UBE2E2: variants seen among roughly 807,000 people sequenced by gnomAD.
The protein encoded by UBE2E2 is ubiquitin-conjugating enzyme E2 E2.
Under a neutral mutation model 24.7 loss-of-function variants are expected in UBE2E2, and 6 were observed. That is an observed-to-expected ratio of 0.24 (90% CI 0.13 to 0.48). The LOEUF is 0.48. Ranked by LOEUF, UBE2E2 falls within the 20% of genes least tolerant of loss-of-function variation. The pLI, the probability that UBE2E2 is intolerant of heterozygous loss-of-function variation, is 0.99. For synonymous variants in UBE2E2, 104 were observed against 83.6 expected, an observed-to-expected ratio of 1.24 and a Z score of -1.33; for missense variants, 169 against 245.0, an observed-to-expected ratio of 0.69 and a Z score of 2.07.
chr3:23,535,155 CT>C (rs1695221833), intron 5 of UBE2E2, among the ~76,000 whole-genome samples: 1 of 152,204 alleles, frequency 6.6e-6, no homozygotes, highest in South Asian at 2.1e-4. Context: ...GGTCACTTAA[CT>C]TTCCACAGGC....
chr3:23,297,857 A>T (rs980851377), intron 3 of UBE2E2, among the ~76,000 whole-genome samples: 3 of 152,056 alleles, frequency 2.0e-5, no homozygotes, highest in African/African-American at 7.2e-5. Context: ...GATGGCATTG[A>T]ATCTATAAAT....
At chr3:23,299,543 C>T (rs7611132) in intron 3 of UBE2E2, among the ~76,000 whole-genome samples, 51,312 of 151,884 alleles carry the variant, frequency 0.34, 8,855 homozygotes, top group South Asian at 0.38. Context: ...CGTTATGTAC[C>T]CAGTAGTCAT....
At chr3:23,318,162 A>AT (rs575001887) in intron 3 of UBE2E2, among the ~76,000 whole-genome samples, 16 of 151,796 alleles carry the variant, frequency 1.1e-4, no homozygotes, top group Admixed American at 2.6e-4. Context: ...TTTTAAAAAA[A>AT]TTTTTTTTAT....
In UBE2E2 at chr3:23,577,900, C is replaced by T. The variant is rs74576441; in HGVS notation, c.509-11834C>T. ...AGGACCCTTAAAAACTTGCCTGTGC[C>T]TACTCTGCCTGTGCTCTCTGAGTGG... On this transcript the variant is annotated intron_variant, in intron 5 of 5. Transcript: ENST00000396703. 3.6e-3 allele frequency among the ~76,000 whole-genome samples: 553 copies of T among 151,848 alleles called. 2 individuals carry two copies. Among genetic ancestry groups the T allele is most frequent in the African/African-American group, 0.013 (529 of 41,336 alleles).
intron 3 of UBE2E2, among the ~76,000 whole-genome samples, chr3:23,430,475 C>A (rs1698033870): frequency 6.6e-6 from 1 of 151,774 alleles, no homozygotes; most frequent in Non-Finnish European, 1.5e-5. Context: ...CCACATTAAG[C>A]ACTTAATATG....
intron 3 of UBE2E2, among the ~76,000 whole-genome samples, chr3:23,298,699 A>C (rs1575542746): frequency 2.0e-5 from 3 of 151,834 alleles, no homozygotes; most frequent in Non-Finnish European, 4.4e-5. Flanking sequence ...CCAGTATTTT[A>C]TTGAGGATTT....
chr3:23,282,337 C>T (rs1265097587), intron 3 of UBE2E2, among the ~76,000 whole-genome samples: 1 of 152,166 alleles, frequency 6.6e-6, no homozygotes. Context: ...TATAGCCATT[C>T]CTTTAATGAC....
At chr3:23,428,591 A>G (rs1014081694) in intron 3 of UBE2E2, among the ~76,000 whole-genome samples, 10 of 152,168 alleles carry the variant, frequency 6.6e-5, no homozygotes, top group African/African-American at 2.4e-4. Context: ...CAGAAAATCA[A>G]TGATCTCAAA....
chr3:23,317,404 T>C (rs1271183234), intron 3 of UBE2E2, among the ~76,000 whole-genome samples: 1 of 152,160 alleles, frequency 6.6e-6, no homozygotes, highest in Admixed American at 6.5e-5. Context: ...GTTGGTGTGC[T>C]CTCCGTCCCC....
chr3:23,241,753 T>C (rs1209702076), intron 3 of UBE2E2, among the ~76,000 whole-genome samples: 1 of 152,200 alleles, frequency 6.6e-6, no homozygotes, highest in Admixed American at 6.5e-5. Flanking sequence ...TGTGAATATC[T>C]GAAAGACACT....
rs149102653 is a variant in UBE2E2, at chr3:23,362,776, C to T, written c.228-136832C>T. On this transcript the variant is annotated intron_variant, in intron 3 of 5. Coordinates refer to ENST00000396703, the MANE Select transcript of UBE2E2 (RefSeq NM_152653.4). ...AAAGGGAGAGTGACCTCACCCCAACCCTGTCACAGGTAGCCAGGTAGCAAT... is the reference window on the plus strand; with the variant it reads ...AAAGGGAGAGTGACCTCACCCCAACTCTGTCACAGGTAGCCAGGTAGCAAT... Among the ~76,000 whole-genome samples, 1,185 of 152,258 alleles carry T rather than the reference C, an allele frequency of 7.8e-3. 12 individuals carry two copies. The highest frequency in any genetic ancestry group is 0.027 in the African/African-American group (1,125 of 41,562).
chr3:23,294,904 A>G (rs1244749712), intron 3 of UBE2E2, among the ~76,000 whole-genome samples: 3 of 152,028 alleles, frequency 2.0e-5, no homozygotes, highest in Non-Finnish European at 4.4e-5. Context: ...CATCCTTAAA[A>G]TTACTTTCTA....
chr3:23,267,973 G>T (rs1210611017), intron 3 of UBE2E2, among the ~76,000 whole-genome samples: 2 of 151,860 alleles, frequency 1.3e-5, no homozygotes, highest in Admixed American at 6.6e-5. Flanking sequence ...TATCTCAACA[G>T]ATGCAGAAAA....
At chr3:23,221,219 T>C (rs1696627078) in intron 3 of UBE2E2, among the ~76,000 whole-genome samples, 1 of 152,232 alleles carries the variant, frequency 6.6e-6, no homozygotes, top group Non-Finnish European at 1.5e-5. Flanking sequence ...ACTAGCAGTT[T>C]ACACTTCTAT....
intron 2 of UBE2E2, among the ~76,000 whole-genome samples, chr3:23,215,278 C>G (rs1261741765): frequency 1.3e-5 from 2 of 152,052 alleles, no homozygotes; most frequent in African/African-American, 4.8e-5. Flanking sequence ...ATCTTCTATG[C>G]TTTGTCTGTA....
chr3:23,304,601 A>T (rs1356186984), intron 3 of UBE2E2, among the ~76,000 whole-genome samples: 2 of 152,208 alleles, frequency 1.3e-5, no homozygotes, highest in Non-Finnish European at 2.9e-5. Context: ...TACTTGAAGT[A>T]TGTGAAGAAT....
At chr3:23,452,637 C>T (rs1698590991) in intron 3 of UBE2E2, among the ~76,000 whole-genome samples, 1 of 152,038 alleles carries the variant, frequency 6.6e-6, no homozygotes, top group Admixed American at 6.6e-5. Context: ...ATAACTGTTA[C>T]CCAAATGGTT....
chr3:23,388,355 T>C (rs1384605647), intron 3 of UBE2E2, among the ~76,000 whole-genome samples: 1 of 152,214 alleles, frequency 6.6e-6, no homozygotes. Flanking sequence ...TTTGGGGATA[T>C]TCTCTCTGCT....
intron 5 of UBE2E2, among the ~76,000 whole-genome samples, chr3:23,554,091 G>A (rs923985376): frequency 7.9e-5 from 12 of 152,082 alleles, no homozygotes; most frequent in Non-Finnish European, 1.3e-4. Flanking sequence ...CAATCCTGAG[G>A]TGGGGTTGAG....
Sources: allele counts gnomAD v4.1 joint callset (sites outside exome capture counted in the v4.1 genomes callset), GRCh38; gene constraint gnomAD v4.1.1; transcripts MANE v1.5; gene names NCBI Gene and HGNC (gene_info 2026-07-23, HGNC 2026-07-21).